Variants in EDIL3 observed in about 807,000 individuals in gnomAD.
EDIL3 encodes the protein EGF-like repeat and discoidin I-like domain-containing protein 3.
A neutral mutation model predicts 67.4 loss-of-function variants in EDIL3; 37 were observed. The observed-to-expected ratio is 0.55, with a 90% CI of 0.42 to 0.72. EDIL3 has a LOEUF of 0.72. EDIL3 is among the 30% of genes least tolerant of loss of function. The pLI is 0.00. For synonymous variants in EDIL3, 195 were observed against 196.3 expected, an observed-to-expected ratio of 0.99 and a Z score of 0.05; for missense variants, 527 against 586.3, an observed-to-expected ratio of 0.90 and a Z score of 1.04.
intron 1 of EDIL3, among the ~76,000 whole-genome samples, chr5:84,302,415 G>A (rs1746180034): frequency 6.6e-6 from 1 of 152,082 alleles, no homozygotes; most frequent in South Asian, 2.1e-4. Flanking sequence ...TCCTGCCTCA[G>A]TCTCTCGAGT....
At chr5:84,090,333 T>C (rs984029908) in intron 6 of EDIL3, among the ~76,000 whole-genome samples, 1 of 152,224 alleles carries the variant, frequency 6.6e-6, no homozygotes, top group African/African-American at 2.4e-5. Context: ...AGCAATATGC[T>C]TTTCTCCAGC....
At chr5:83,998,863 C>G (rs909117612) in intron 9 of EDIL3, among the ~76,000 whole-genome samples, 9 of 152,118 alleles carry the variant, frequency 5.9e-5, no homozygotes, top group Non-Finnish European at 1.0e-4. Context: ...CAGGTGTGAC[C>G]CAGCACTGTC....
chr5:84,311,762 T>G (rs932763799), intron 1 of EDIL3, among the ~76,000 whole-genome samples: 1 of 152,132 alleles, frequency 6.6e-6, no homozygotes, highest in African/African-American at 2.4e-5. Flanking sequence ...GTGATGACTC[T>G]TAACGAGCAT....
intron 1 of EDIL3, among the ~76,000 whole-genome samples, chr5:84,277,536 GTAGC>G (rs1745605546): frequency 6.6e-6 from 1 of 152,084 alleles, no homozygotes; most frequent in South Asian, 2.1e-4. Flanking sequence ...GCCTACTTGT[GTAGC>G]TACACCAGTT....
intron 1 of EDIL3, among the ~76,000 whole-genome samples, chr5:84,383,616 A>T: frequency 6.6e-6 from 1 of 152,098 alleles, no homozygotes; most frequent in Non-Finnish European, 1.5e-5. Context: ...TAACACTGGT[A>T]CTCGGAGGGG....
At chr5:84,315,259 C>T (rs1311251898) in intron 1 of EDIL3, among the ~76,000 whole-genome samples, 1 of 152,126 alleles carries the variant, frequency 6.6e-6, no homozygotes, top group East Asian at 1.9e-4. Flanking sequence ...CCTCAAAGCT[C>T]CTATAATTAT....
chr5:84,037,988 G>GC (rs1746050567), intron 9 of EDIL3, among the ~76,000 whole-genome samples: 1 of 99,750 alleles, frequency 1.0e-5, no homozygotes, highest in Admixed American at 1.1e-4. Context: ...TTTCTTTCTT[G>GC]TTTTTTTTTT....
At chr5:84,306,032 GAA>G (rs906126465) in intron 1 of EDIL3, among the ~76,000 whole-genome samples, 3 of 148,096 alleles carry the variant, frequency 2.0e-5, no homozygotes, top group East Asian at 3.9e-4. Context: ...GTCTTAAGGA[GAA>G]AAAAAAAAGT....
chr5:84,051,913 A>C (rs1456328765), intron 9 of EDIL3, among the ~76,000 whole-genome samples: 4 of 152,248 alleles, frequency 2.6e-5, no homozygotes, highest in African/African-American at 9.6e-5. Context: ...GAACTTCCCC[A>C]ACCTAGCAAA....
chr5:84,318,527 G>A (rs1199269731), intron 1 of EDIL3, among the ~76,000 whole-genome samples: 1 of 152,080 alleles, frequency 6.6e-6, no homozygotes, highest in Non-Finnish European at 1.5e-5. Context: ...TCTGATCTTT[G>A]ACAAACCTGA....
chr5:84,042,971 T>C (rs1746159340), intron 9 of EDIL3, among the ~76,000 whole-genome samples: 1 of 152,138 alleles, frequency 6.6e-6, no homozygotes, highest in Admixed American at 6.5e-5. Flanking sequence ...GAAATGAACA[T>C]AGAAATGAAC....
intron 9 of EDIL3, among the ~76,000 whole-genome samples, chr5:84,049,945 A>G (rs994444113): frequency 3.9e-5 from 6 of 151,990 alleles, no homozygotes; most frequent in African/African-American, 1.2e-4. Context: ...CACGCCTGTA[A>G]TCCCAGCACT....
At chr5:84,315,013 G>T (rs2112148071) in intron 1 of EDIL3, among the ~76,000 whole-genome samples, 1 of 152,168 alleles carries the variant, frequency 6.6e-6, no homozygotes, top group South Asian at 2.1e-4. Flanking sequence ...CTTTTCTTTT[G>T]CAATTTTTTA....
chr5:84,280,576 G>T (rs1343567672), intron 1 of EDIL3, among the ~76,000 whole-genome samples: 2 of 152,090 alleles, frequency 1.3e-5, no homozygotes, highest in Admixed American at 1.3e-4. Context: ...GTGAGCCCTG[G>T]AATTCTGTCT....
intron 1 of EDIL3, among the ~76,000 whole-genome samples, chr5:84,291,956 C>T (rs1177201252): frequency 1.3e-5 from 2 of 151,338 alleles, no homozygotes; most frequent in African/African-American, 2.4e-5. Flanking sequence ...TATAAAAGCA[C>T]ATTTGCCATT....
intron 4 of EDIL3, among the ~76,000 whole-genome samples, chr5:84,177,725 T>C (rs1717913601): frequency 6.6e-6 from 1 of 152,114 alleles, no homozygotes. Context: ...CTAAAACTGC[T>C]GTAAAAATTA....
At chr5:84,142,716 A>G (rs1037909972) in intron 4 of EDIL3, among the ~76,000 whole-genome samples, 1 of 151,984 alleles carries the variant, frequency 6.6e-6, no homozygotes, top group Non-Finnish European at 1.5e-5. Flanking sequence ...TCTCCTCTTC[A>G]TAAGTAAGTA....
chr5:84,313,361 C>T (rs1232771294), intron 1 of EDIL3, among the ~76,000 whole-genome samples: 1 of 152,044 alleles, frequency 6.6e-6, no homozygotes, highest in African/African-American at 2.4e-5. Context: ...ATTGTTTTAA[C>T]AAAAGCTTGA....
chr5:84,116,120 C>A (rs961173899), intron 5 of EDIL3, among the ~76,000 whole-genome samples: 1 of 137,176 alleles, frequency 7.3e-6, no homozygotes, highest in Non-Finnish European at 1.5e-5. Context: ...GTTTTCTGTA[C>A]AATGTAGTTA....
Sources: allele counts gnomAD v4.1 joint callset (sites outside exome capture counted in the v4.1 genomes callset), GRCh38; gene constraint gnomAD v4.1.1; transcripts MANE v1.5; gene names NCBI Gene and HGNC (gene_info 2026-07-23, HGNC 2026-07-21).